Variants in MRC1 observed in about 807,000 individuals in gnomAD.
The protein encoded by MRC1 is mannose receptor C-type 1, also known as macrophage mannose receptor 1.
A neutral mutation model predicts 102.9 loss-of-function variants in MRC1; 62 were observed. That is an observed-to-expected ratio of 0.60 (90% CI 0.49 to 0.74). MRC1 has a LOEUF of 0.74. Among genes scored for constraint, MRC1 ranks in the 30% least tolerant of loss-of-function variants. The pLI is 0.00. For missense variants in MRC1, 1,237 were observed against 862.8 expected (o/e 1.43, Z -5.43); for synonymous variants, 457 against 298.4 (o/e 1.53, Z -5.48).
At chr10:17,827,885 A>G (rs1838505242) in intron 3 of MRC1, among the ~76,000 whole-genome samples, 170 bp downstream of exon 3, 1 of 152,126 alleles carries the variant, frequency 6.6e-6, no homozygotes, top group Non-Finnish European at 1.5e-5. Flanking sequence ...TCCAATGGAG[A>G]AAATGATCTA....
chr10:17,899,350 T>C (rs1833798506), intron 24 of MRC1, among the ~76,000 whole-genome samples: 1 of 152,242 alleles, frequency 6.6e-6, no homozygotes, highest in African/African-American at 2.4e-5. Context: ...ATTTGTTTTC[T>C]TCTCACAGAC....
At chr10:17,836,090 C>T (rs1838658188) in intron 4 of MRC1, among the ~76,000 whole-genome samples, 2 of 152,242 alleles carry the variant, frequency 1.3e-5, no homozygotes, top group Non-Finnish European at 1.5e-5. Flanking sequence ...CTTTGGTGAC[C>T]TTGTCTGTTA....
At chr10:17,843,655 C>T (rs1838782754) in intron 5 of MRC1, among the ~76,000 whole-genome samples, 1 of 151,542 alleles carries the variant, frequency 6.6e-6, no homozygotes, top group South Asian at 2.1e-4. Flanking sequence ...CAGAGCAAAA[C>T]TCCATCTCAA....
At chr10:17,900,365 T>C (rs1833812944) in intron 24 of MRC1, among the ~76,000 whole-genome samples, 1 of 152,194 alleles carries the variant, frequency 6.6e-6, no homozygotes, top group South Asian at 2.1e-4. Flanking sequence ...TATGAAGAGA[T>C]GAGCATTTCT....
chr10:17,818,744 A>C (rs982883669), intron 1 of MRC1, among the ~76,000 whole-genome samples: 6 of 152,206 alleles, frequency 3.9e-5, no homozygotes, highest in Non-Finnish European at 8.8e-5. Context: ...GGTTGCAGTG[A>C]GCCAAGATGG....
rs1365413549 is a variant in MRC1 at position 17,887,415 on chromosome 10, C to CA, written c.3147+1983dup. On this transcript the variant is annotated intron_variant, in intron 22 of 29. Transcript: ENST00000569591. ...CAAAACAAAACAAAACAAAACAAAA[C>CA]AAACAAACAAAAAACTGGTGATGGG... Among the ~76,000 whole-genome samples, 16 of 152,014 alleles carry CA rather than the reference C, an allele frequency of 1.1e-4. No individual in the cohort carries two copies. In the East Asian group the frequency reaches 2.9e-3, roughly 28 times the overall value.
chr10:17,872,683 C>A (rs2130678827), intron 15 of MRC1, among the ~76,000 whole-genome samples: 1 of 152,140 alleles, frequency 6.6e-6, no homozygotes, highest in East Asian at 1.9e-4. Context: ...ATTAGCCAAA[C>A]CATGTTATTG....
intron 26 of MRC1, among the ~76,000 whole-genome samples, chr10:17,902,529 A>G (rs1833842441): frequency 6.6e-6 from 1 of 152,226 alleles, no homozygotes; most frequent in African/African-American, 2.4e-5. Flanking sequence ...AGACAAATAA[A>G]ACTCAAATAG....
intron 22 of MRC1, among the ~76,000 whole-genome samples, chr10:17,890,188 A>G (rs1294133387): frequency 6.6e-6 from 1 of 152,106 alleles, no homozygotes; most frequent in Non-Finnish European, 1.5e-5. Context: ...ATCCAACGTA[A>G]TTACTATTCT....
intron 1 of MRC1, among the ~76,000 whole-genome samples, chr10:17,819,546 G>A (rs1554838126): frequency 2.0e-5 from 3 of 151,580 alleles, no homozygotes; most frequent in African/African-American, 7.3e-5. Flanking sequence ...AGTTATTTAA[G>A]GAATTGGCTC....
intron 19 of MRC1, among the ~76,000 whole-genome samples, 179 bp downstream of exon 19, chr10:17,880,000 T>C (rs1833491829): frequency 6.6e-6 from 1 of 152,198 alleles, no homozygotes; most frequent in Non-Finnish European, 1.5e-5. Flanking sequence ...ATGCTTAACA[T>C]TTACACTAGT....
intron 4 of MRC1, among the ~76,000 whole-genome samples, chr10:17,834,937 C>A (rs1324241283): frequency 2.0e-5 from 3 of 152,166 alleles, no homozygotes; most frequent in Non-Finnish European, 4.4e-5. Flanking sequence ...TAATATTAGT[C>A]TGTCTCTGCT....
At chr10:17,906,826 A>G in intron 26 of MRC1, 60 bp from the exon 27 acceptor site, 1 of 780,418 alleles carries the variant, frequency 1.3e-6, no homozygotes, top group African/African-American at 1.7e-5. Context: ...TGCTGTTTAC[A>G]AAAATATTTT....
At chr10:17,877,626 T>A (rs923184532) in intron 17 of MRC1, among the ~76,000 whole-genome samples, 3 of 152,126 alleles carry the variant, frequency 2.0e-5, no homozygotes, top group Admixed American at 2.0e-4. Flanking sequence ...GTAGTTACAT[T>A]GTTGAAGACA....
At chr10:17,860,531 G>C (rs921581921) in intron 9 of MRC1, among the ~76,000 whole-genome samples, 1 of 152,134 alleles carries the variant, frequency 6.6e-6, no homozygotes, top group African/African-American at 2.4e-5. Flanking sequence ...TCCCAACTTC[G>C]ACTCCCAAAG....
rs1245638632 is a variant in MRC1, at chr10:17,910,815, A to T, written c.*350A>T. On this transcript the variant is annotated 3_prime_UTR_variant, in exon 30 of 30. Coordinates refer to ENST00000569591, the MANE Select transcript of MRC1 (RefSeq NM_002438.4). Reference sequence around the variant, plus strand: ...TCTTGGCATATTTTAAGGAGCTCCCAAAATGTGTTACCTATTAAATTGTAA... The same window carrying T: ...TCTTGGCATATTTTAAGGAGCTCCCTAAATGTGTTACCTATTAAATTGTAA... 1 of 254,578 alleles carries T rather than the reference A, an allele frequency of 3.9e-6. No individual in the cohort carries two copies. The highest frequency in any genetic ancestry group is 7.6e-6 in the Non-Finnish European group (1 of 131,636). The allele number at this position is 254,578 out of a possible 1,614,324, so 15.8% of individuals were successfully genotyped here. A position where few individuals can be genotyped will look rare whatever the true frequency, so the allele number is the denominator to read the frequency against.
At chr10:17,854,098 G>A (rs1303447098) in intron 8 of MRC1, among the ~76,000 whole-genome samples, 11 of 152,198 alleles carry the variant, frequency 7.2e-5, no homozygotes, top group Admixed American at 2.6e-4. Flanking sequence ...CTAAAGGTGC[G>A]TGCCACCACG....
intron 1 of MRC1, among the ~76,000 whole-genome samples, chr10:17,815,403 G>A (rs1838295758): frequency 6.6e-6 from 1 of 152,196 alleles, no homozygotes; most frequent in Non-Finnish European, 1.5e-5. Flanking sequence ...ACCTAGTAAA[G>A]GGTTTTGTTT....
chr10:17,886,497 G>C (rs1331439296), intron 22 of MRC1, among the ~76,000 whole-genome samples: 1 of 152,056 alleles, frequency 6.6e-6, no homozygotes, highest in African/African-American at 2.4e-5. Flanking sequence ...CCACCTCCCA[G>C]GTTCAAAGAT....
Sources: allele counts gnomAD v4.1 joint callset (sites outside exome capture counted in the v4.1 genomes callset), GRCh38; gene constraint gnomAD v4.1.1; transcripts MANE v1.5; gene names NCBI Gene and HGNC (gene_info 2026-07-23, HGNC 2026-07-21).